Variants in INPP4B observed in about 807,000 individuals in gnomAD.
The protein encoded by INPP4B is inositol polyphosphate 4-phosphatase type II.
A neutral mutation model predicts 122.5 loss-of-function variants in INPP4B; 55 were observed. That is an observed-to-expected ratio of 0.45 (90% CI 0.36 to 0.56). The LOEUF is 0.56. INPP4B is among the 20% of genes least tolerant of loss of function. The pLI is 0.00. For missense variants in INPP4B, 1,000 were observed against 1,097.7 expected (o/e 0.91, Z 1.26); for synonymous variants, 403 against 388.7 (o/e 1.04, Z -0.43).
intron 17 of INPP4B, among the ~76,000 whole-genome samples, chr4:142,159,091 G>A (rs1305298939): frequency 1.3e-5 from 2 of 151,846 alleles, no homozygotes; most frequent in Non-Finnish European, 2.9e-5. Flanking sequence ...TAATACTAAA[G>A]TAATATAATG....
chr4:142,125,745 A>G (rs1798380536), intron 18 of INPP4B, among the ~76,000 whole-genome samples: 1 of 152,076 alleles, frequency 6.6e-6, no homozygotes, highest in African/African-American at 2.4e-5. Flanking sequence ...CTGTCCCAGT[A>G]CTACTCACAC....
intron 2 of INPP4B, among the ~76,000 whole-genome samples, chr4:142,493,681 T>C (rs1560720217): frequency 6.6e-6 from 1 of 152,174 alleles, no homozygotes; most frequent in Non-Finnish European, 1.5e-5. Flanking sequence ...CTCCATTTTA[T>C]AGGAAGTAAC....
chr4:142,619,424 C>A (rs1174478335), intron 2 of INPP4B, among the ~76,000 whole-genome samples: 1 of 152,032 alleles, frequency 6.6e-6, no homozygotes, highest in Non-Finnish European at 1.5e-5. Flanking sequence ...AAAAGGCAAT[C>A]CTGCCATAGG....
intron 2 of INPP4B, among the ~76,000 whole-genome samples, chr4:142,572,701 T>C (rs1415496725): frequency 1.3e-5 from 2 of 152,082 alleles, no homozygotes; most frequent in Admixed American, 6.6e-5. Flanking sequence ...TCTTATTAAC[T>C]CTTTGATTAG....
At chr4:142,546,329 G>A (rs191639392) in intron 2 of INPP4B, among the ~76,000 whole-genome samples, 1 of 152,042 alleles carries the variant, frequency 6.6e-6, no homozygotes, top group Non-Finnish European at 1.5e-5. Context: ...ACTTTATTCA[G>A]TCTATCATTG....
intron 23 of INPP4B, among the ~76,000 whole-genome samples, chr4:142,087,016 T>C (rs1038212730): frequency 2.0e-5 from 3 of 152,226 alleles, no homozygotes; most frequent in Non-Finnish European, 2.9e-5. Flanking sequence ...TCAGTTGCTA[T>C]ACAGCAAGTG....
In INPP4B at chr4:142,442,320, G is replaced by A. The variant is rs377144197; in HGVS notation, c.-126-10935C>T. ...CCAGCTATATGGGTGGCTGAGGCAG[G>A]AGAATTGCTTGAACCCGGGAGGCGG... is the stretch of plus-strand genomic sequence containing the variant. On this transcript the variant is annotated intron_variant, in intron 3 of 25. Transcript: ENST00000262992. 2.1e-3 allele frequency among the ~76,000 whole-genome samples: 292 copies of A among 141,928 alleles called. 1 individual carries two copies. Among genetic ancestry groups the A allele is most frequent in the African/African-American group, 7.4e-3 (285 of 38,736 alleles). The allele number at this position is 141,928 out of a possible 152,430, so 93.1% of individuals were successfully genotyped here. A position where few individuals can be genotyped will look rare whatever the true frequency, so the allele number is the denominator to read the frequency against.
At chr4:142,050,373 A>G (rs1411564738) in intron 25 of INPP4B, among the ~76,000 whole-genome samples, 1 of 152,036 alleles carries the variant, frequency 6.6e-6, no homozygotes, top group South Asian at 2.1e-4. Context: ...TAGCTGCCTC[A>G]TTACTTTAAC....
intron 9 of INPP4B, among the ~76,000 whole-genome samples, chr4:142,302,071 G>C (rs1285082893): frequency 6.6e-6 from 1 of 152,142 alleles, no homozygotes; most frequent in African/African-American, 2.4e-5. Context: ...GCAAAGGATT[G>C]TCAGGTGTTT....
intron 7 of INPP4B, among the ~76,000 whole-genome samples, chr4:142,350,009 A>T (rs911107547): frequency 7.2e-5 from 11 of 152,012 alleles, no homozygotes; most frequent in African/African-American, 2.7e-4. Flanking sequence ...TTGCCTTAAA[A>T]ATAGTCTTGC....
intron 7 of INPP4B, among the ~76,000 whole-genome samples, chr4:142,360,303 C>T (rs887176116): frequency 1.3e-4 from 20 of 151,840 alleles, no homozygotes; most frequent in Middle Eastern, 3.2e-3. Flanking sequence ...GGTCAAATTA[C>T]AAAACTTGCT....
chr4:142,752,898 C>T (rs1769942824), intron 1 of INPP4B, among the ~76,000 whole-genome samples: 1 of 152,034 alleles, frequency 6.6e-6, no homozygotes, highest in Admixed American at 6.6e-5. Flanking sequence ...TAGAGAGTTA[C>T]TAGAATTCAA....
At chr4:142,683,399 A>G (rs1758910899) in intron 2 of INPP4B, among the ~76,000 whole-genome samples, 1 of 151,842 alleles carries the variant, frequency 6.6e-6, no homozygotes, top group Non-Finnish European at 1.5e-5. Flanking sequence ...TCATTTAAAC[A>G]GGACACCAGA....
rs145310813 is a variant in INPP4B at position 142,174,373 on chromosome 4, A to G, written c.1182-564T>C. Among the ~76,000 whole-genome samples, 328 of 152,240 alleles carry G rather than the reference A, an allele frequency of 2.2e-3. 5 individuals are homozygous for G. The highest frequency in any genetic ancestry group is 0.016 in the Admixed American group (250 of 15,286). On this transcript the variant is annotated intron_variant, in intron 15 of 25. Coordinates refer to ENST00000262992, the MANE Select transcript of INPP4B (RefSeq NM_001101669.3). ...GTGCTTGGCACAGAAATAGCATTCA[A>G]TACCTACTACCTAACATTTCCCCCC...
At chr4:142,134,668 A>G (rs1233358142) in intron 18 of INPP4B, among the ~76,000 whole-genome samples, 2 of 151,976 alleles carry the variant, frequency 1.3e-5, no homozygotes, top group Non-Finnish European at 2.9e-5. Context: ...ATAGTGGCGC[A>G]TGCCTGTAAT....
intron 2 of INPP4B, among the ~76,000 whole-genome samples, chr4:142,690,684 A>T (rs538427331): frequency 6.6e-6 from 1 of 152,146 alleles, no homozygotes; most frequent in African/African-American, 2.4e-5. Flanking sequence ...GTTGCCTCCC[A>T]CTCCTGCAAG....
At chr4:142,431,502 A>T in intron 3 of INPP4B, 117 bp from the exon 4 acceptor site, 1 of 508,044 alleles carries the variant, frequency 2.0e-6, no homozygotes. Flanking sequence ...TGCCTACTCC[A>T]CTCATACTTT....
At chr4:142,619,359 G>A (rs1744392382) in intron 2 of INPP4B, among the ~76,000 whole-genome samples, 1 of 151,898 alleles carries the variant, frequency 6.6e-6, no homozygotes, top group Non-Finnish European at 1.5e-5. Flanking sequence ...ACAGATGAAG[G>A]GACAAAGAAA....
chr4:142,537,467 G>GAGAGAGAGAGAGAGAC (rs1828409577), intron 2 of INPP4B, among the ~76,000 whole-genome samples: 1 of 89,962 alleles, frequency 1.1e-5, no homozygotes, highest in Non-Finnish European at 2.3e-5. Context: ...GAGAGAGAGA[G>GAGAGAGAGAGAGAGAC]AGAGATACAC....
Sources: allele counts gnomAD v4.1 joint callset (sites outside exome capture counted in the v4.1 genomes callset), GRCh38; gene constraint gnomAD v4.1.1; transcripts MANE v1.5; gene names NCBI Gene and HGNC (gene_info 2026-07-23, HGNC 2026-07-21).